Variants in NUP153 observed in about 807,000 individuals in gnomAD.
The protein encoded by NUP153 is nuclear pore complex protein Nup153.
NUP153 carries 27 observed loss-of-function variants against 134.6 expected under a neutral mutation model. That is an observed-to-expected ratio of 0.20 (90% CI 0.15 to 0.28). The LOEUF is 0.28. Among genes scored for constraint, NUP153 ranks in the 10% least tolerant of loss-of-function variants. NUP153 has a pLI of 1.00. For missense variants in NUP153, 1,821 were observed against 1,731.3 expected (o/e 1.05, Z -0.92); for synonymous variants, 640 against 623.5 (o/e 1.03, Z -0.40).
At chr6:17,690,608 G>A (rs1769216933) in intron 1 of NUP153, among the ~76,000 whole-genome samples, 1 of 152,090 alleles carries the variant, frequency 6.6e-6, no homozygotes, top group Non-Finnish European at 1.5e-5. Context: ...ATAAACTGGG[G>A]TAAGGTAACC....
At chr6:17,641,176 A>G (rs563697951) in intron 14 of NUP153, among the ~76,000 whole-genome samples, 1 of 152,300 alleles carries the variant, frequency 6.6e-6, no homozygotes, top group African/African-American at 2.4e-5. Context: ...ATTGTTGAAG[A>G]GTGACCTGAC....
chr6:17,682,796 T>C (rs1768671851), intron 2 of NUP153, among the ~76,000 whole-genome samples: 1 of 152,032 alleles, frequency 6.6e-6, no homozygotes, highest in Admixed American at 6.6e-5. Context: ...CACATGCCTG[T>C]AGTCCCAGCT....
intron 5 of NUP153, among the ~76,000 whole-genome samples, chr6:17,673,322 A>T (rs1169165266): frequency 6.6e-6 from 1 of 152,164 alleles, no homozygotes; most frequent in Non-Finnish European, 1.5e-5. Context: ...ACTGCACTCA[A>T]GCTTGGGCGA....
intron 5 of NUP153, among the ~76,000 whole-genome samples, chr6:17,670,583 C>T (rs956435930): frequency 6.6e-6 from 1 of 152,204 alleles, no homozygotes; most frequent in African/African-American, 2.4e-5. Context: ...TAAACAGTAG[C>T]AGTGATAGCA....
At chr6:17,705,887 A>G (rs928166544) in intron 1 of NUP153, among the ~76,000 whole-genome samples, 2 of 152,104 alleles carry the variant, frequency 1.3e-5, no homozygotes, top group African/African-American at 2.4e-5. Flanking sequence ...AACAGCAAGT[A>G]TAAGGGCCAT....
At chr6:17,664,115 A>C (rs1767365480) in intron 9 of NUP153, among the ~76,000 whole-genome samples, 1 of 152,216 alleles carries the variant, frequency 6.6e-6, no homozygotes, top group Admixed American at 6.5e-5. Flanking sequence ...AATATTATTC[A>C]GCCATAAAAA....
At chr6:17,643,284 C>A (rs1387978640) in intron 14 of NUP153, among the ~76,000 whole-genome samples, 1 of 152,184 alleles carries the variant, frequency 6.6e-6, no homozygotes. Context: ...ACCAGCCTGG[C>A]AACATGACGA....
At chr6:17,668,166 C>G (rs1767664288) in intron 8 of NUP153, among the ~76,000 whole-genome samples, 1 of 151,092 alleles carries the variant, frequency 6.6e-6, no homozygotes, top group Admixed American at 6.6e-5. Flanking sequence ...CCCTCCGCCT[C>G]CCGGGTTCAA....
At chr6:17,635,937 T>C (rs1765525120) in intron 16 of NUP153, among the ~76,000 whole-genome samples, 1 of 152,230 alleles carries the variant, frequency 6.6e-6, no homozygotes, top group Non-Finnish European at 1.5e-5. Flanking sequence ...AGTTTTGTTA[T>C]TCCCCTTCAA....
chr6:17,664,069 T>C (rs893130941), intron 9 of NUP153, among the ~76,000 whole-genome samples: 2 of 152,000 alleles, frequency 1.3e-5, no homozygotes, highest in Admixed American at 6.6e-5. Context: ...ATCCATACAA[T>C]GAAATATCTA....
At chr6:17,669,114 T>G in intron 7 of NUP153, 86 bp from the exon 8 acceptor site, 1 of 1,098,862 alleles carries the variant, frequency 9.1e-7, no homozygotes, top group Non-Finnish European at 1.3e-6. Flanking sequence ...AGTCTCACTC[T>G]GTCGCCCAGG....
chr6:17,651,693 A>G (rs565216262), intron 11 of NUP153: 5 of 386,448 alleles, frequency 1.3e-5, no homozygotes, highest in South Asian at 1.2e-4. Context: ...AATATTTCCA[A>G]AAGTTTTTTT....
In NUP153 at chr6:17,680,195, G is replaced by A. The variant is rs1373399163; in HGVS notation, c.335-4425C>T. Among the ~76,000 whole-genome samples the A allele has an allele frequency of 4.6e-5, 7 of 152,090 alleles. No individual in the cohort carries two copies. The highest frequency in any genetic ancestry group is 9.7e-5 in the African/African-American group (4 of 41,402). ...CTGTCTGGGAAATCTGCTTGGGTCC[G>A]TGTTAATTTCCATTACATGGGAAAC... On this transcript the variant is annotated intron_variant, in intron 2 of 21. Transcript: ENST00000262077. The surrounding 1 kb of genome is among the most constrained non-coding windows in gnomAD (Gnocchi z 4.5).
chr6:17,622,108 G>C (rs1764674232), intron 20 of NUP153, among the ~76,000 whole-genome samples: 1 of 152,012 alleles, frequency 6.6e-6, no homozygotes, highest in Admixed American at 6.6e-5. Flanking sequence ...CTTTTGTTTT[G>C]TTTTGTGTTT....
At position 17,661,546 on chromosome 6, in the gene NUP153, T is replaced by C. The variant is rs1767180794; in HGVS notation, c.1395+107A>G. 6.7e-6 allele frequency: 7 copies of C among 1,037,770 alleles called. No homozygotes were observed. The South Asian group carries it at 2.0e-4, about 29-fold the overall frequency. 64.3% of individuals were successfully genotyped at this position (1,037,770 alleles called of 1,614,324 possible). A position where few individuals can be genotyped will look rare whatever the true frequency, so the allele number is the denominator to read the frequency against. On this transcript the variant is annotated intron_variant, in intron 11 of 21. Coordinates refer to ENST00000262077, the MANE Select transcript of NUP153 (RefSeq NM_005124.4). ...AAGAACTGATTCAATAGCAGATTAA[T>C]TTTGCTCTGGGTCTCTTCGAACCCC...
Position 17,688,585 on chromosome 6 carries a change from T to G in NUP153, c.145A>C (p.Asn49His). 1 of 1,613,844 alleles carries G rather than the reference T, an allele frequency of 6.2e-7. No homozygotes were observed. The highest frequency in any genetic ancestry group is 1.1e-5 in the South Asian group (1 of 91,078). ...ILSRVTESVKNIVPGWLQRYF... is the reference protein window; with the variant it reads ...ILSRVTESVKHIVPGWLQRYF... ...CTTTGTAGCCACCCTGGCACAATAT[T>G]CTTAACAGATTCTGTAACCCTGCTA... Residue 49 changes from asparagine (N) to histidine (H), a missense_variant, in exon 2 of 22, where the codon AAT becomes CAT. Physicochemically the swap from Asn to His is moderately conservative, Grantham distance 68 (BLOSUM62 1). Transcript: ENST00000262077.
chr6:17,645,592 G>T (rs1230743666), intron 14 of NUP153, among the ~76,000 whole-genome samples: 27 of 151,512 alleles, frequency 1.8e-4, no homozygotes, highest in East Asian at 1.9e-4. Context: ...AATGACCCAT[G>T]GCCTCCTTCC....
intron 1 of NUP153, among the ~76,000 whole-genome samples, chr6:17,703,081 C>A (rs1195497975): frequency 7.2e-6 from 1 of 138,006 alleles, no homozygotes; most frequent in Non-Finnish European, 1.6e-5. Flanking sequence ...GCCTGTAATC[C>A]CAACTACTTG....
chr6:17,633,892 ACT>A lies in NUP153; in HGVS notation c.2465-1050_2465-1049del, dbSNP rs139182201. Among the ~76,000 whole-genome samples the A allele has an allele frequency of 4.9e-3, 744 of 151,772 alleles. 10 individuals are homozygous for A. The highest frequency in any genetic ancestry group is 0.017 in the African/African-American group (703 of 41,352). On this transcript the variant is annotated intron_variant, in intron 16 of 21. Coordinates refer to ENST00000262077, the MANE Select transcript of NUP153 (RefSeq NM_005124.4). Reference sequence around the variant, plus strand: ...CCATCTTGGCCCACTGTCCTCACAAACTCTCATTTACTCCAGTGGTTTTTAAA... The same window carrying A: ...CCATCTTGGCCCACTGTCCTCACAAACTCATTTACTCCAGTGGTTTTTAAA...
Sources: allele counts gnomAD v4.1 joint callset (sites outside exome capture counted in the v4.1 genomes callset), GRCh38; gene constraint gnomAD v4.1.1; non-coding constraint Gnocchi (gnomAD v3.1); transcripts MANE v1.5; gene names NCBI Gene and HGNC (gene_info 2026-07-23, HGNC 2026-07-21).